Variants in LMO1 observed in about 807,000 individuals in gnomAD.
LMO1 encodes rhombotin-1.
Under a neutral mutation model 18.0 loss-of-function variants are expected in LMO1, and 10 were observed. The observed-to-expected ratio is 0.55, with a 90% confidence interval of 0.34 to 0.94. The LOEUF (loss-of-function observed/expected upper bound fraction) is 0.94, where lower values mean the gene tolerates loss of function less well. LMO1 is among the 40% of genes least tolerant of loss of function. The pLI, the probability that LMO1 is intolerant of heterozygous loss-of-function variation, is 0.02. For synonymous variants in LMO1, 77 were observed against 77.9 expected, an observed-to-expected ratio of 0.99 and a Z score of 0.06; for missense variants, 183 against 205.7, an observed-to-expected ratio of 0.89 and a Z score of 0.68.
At chr11:8,257,298 T>C (rs1428312638) in intron 1 of LMO1, among the ~76,000 whole-genome samples, 2 of 152,166 alleles carry the variant, frequency 1.3e-5, no homozygotes, top group Non-Finnish European at 2.9e-5. Flanking sequence ...CATGTCTCAG[T>C]GTCCTCCAAC....
At chr11:8,227,158 G>A in intron 2 of LMO1, 58 bp from the exon 3 acceptor site, 1 of 1,576,640 alleles carries the variant, frequency 6.3e-7, no homozygotes, top group Admixed American at 1.7e-5. Context: ...GGTGGGCAGG[G>A]GGAAAGGAGT....
At chr11:8,233,842 G>A (rs899865597) in intron 1 of LMO1, among the ~76,000 whole-genome samples, 1 of 152,148 alleles carries the variant, frequency 6.6e-6, no homozygotes, top group East Asian at 1.9e-4. Context: ...AGTCCATTTG[G>A]GATCCATTTT....
At chr11:8,259,214 G>A (rs1847146723) in intron 1 of LMO1, among the ~76,000 whole-genome samples, 2 of 152,206 alleles carry the variant, frequency 1.3e-5, no homozygotes, top group Non-Finnish European at 2.9e-5. Context: ...ACCAATTTAT[G>A]TTGTTTCCCT....
At chr11:8,260,085 G>GCCCCAGCATCCCCAGCTGGATA (rs1478493521) in intron 1 of LMO1, among the ~76,000 whole-genome samples, 1 of 152,080 alleles carries the variant, frequency 6.6e-6, no homozygotes, top group Non-Finnish European at 1.5e-5. Flanking sequence ...CCAGCTGGAT[G>GCCCCAGCATCCCCAGCTGGATA]CCCCAGCCTC....
chr11:8,268,360 A>G, upstream of LMO1: 1 of 1,383,712 alleles, frequency 7.2e-7, no homozygotes, highest in Non-Finnish European at 9.6e-7. Context: ...CCGCAGGGCC[A>G]GCGCCGCAGT....
rs746016617 is a variant in LMO1 at position 8,230,503 on chromosome 11, G to A, written c.27C>T (p.Gly9=). ...TGGGCTGGACGGAGAGCATCGGCAC[G>A]CCTGCAGACGGACAGACAGACAGCA... is the stretch of plus-strand genomic sequence containing the variant. MMVLDKED[G]VPMLSVQPKG... The change falls in exon 2 of 4, where the codon GGC becomes GGT. Residue 9 remains glycine (G), a splice_region_variant and synonymous_variant. Coordinates refer to ENST00000335790, the MANE Select transcript of LMO1 (RefSeq NM_002315.3). 35 of 1,610,746 alleles carry A rather than the reference G, an allele frequency of 2.2e-5. No homozygotes were observed. In the East Asian group the frequency reaches 3.6e-4, roughly 16 times the overall value.
At chr11:8,256,445 C>T (rs1365758425) in intron 1 of LMO1, among the ~76,000 whole-genome samples, 1 of 152,160 alleles carries the variant, frequency 6.6e-6, no homozygotes, top group African/African-American at 2.4e-5. Flanking sequence ...TCAAGAAAGC[C>T]CAGTTGACCT....
intron 1 of LMO1, among the ~76,000 whole-genome samples, chr11:8,235,708 C>A (rs895443174): frequency 5.9e-5 from 9 of 152,210 alleles, no homozygotes; most frequent in African/African-American, 1.9e-4. Flanking sequence ...GAATATCTCT[C>A]AATGTGGGTT....
intron 1 of LMO1, among the ~76,000 whole-genome samples, chr11:8,241,221 C>T (rs188625281): frequency 7.9e-5 from 12 of 152,270 alleles, no homozygotes; most frequent in East Asian, 3.9e-4. Flanking sequence ...AACTAAGTGT[C>T]GTCTTCAGAC....
intron 1 of LMO1, among the ~76,000 whole-genome samples, chr11:8,237,017 C>A (rs79670785): frequency 6.6e-6 from 1 of 152,182 alleles, no homozygotes; most frequent in Admixed American, 6.5e-5. Flanking sequence ...TCAACAAAAC[C>A]CGCAAGTAAG....
At chr11:8,264,768 A>G (rs1221560040), upstream of LMO1, among the ~76,000 whole-genome samples, 1 of 152,078 alleles carries the variant, frequency 6.6e-6, no homozygotes, top group Non-Finnish European at 1.5e-5. Flanking sequence ...AGTAGCTGGG[A>G]TTACAGGCAC....
chr11:8,256,635 C>T (rs1847102555), intron 1 of LMO1, among the ~76,000 whole-genome samples: 2 of 152,232 alleles, frequency 1.3e-5, no homozygotes. Flanking sequence ...AAAACGAACA[C>T]ACTCCCACCA....
At chr11:8,252,223 T>C (rs2134571686) in intron 1 of LMO1, among the ~76,000 whole-genome samples, 1 of 152,276 alleles carries the variant, frequency 6.6e-6, no homozygotes, top group Non-Finnish European at 1.5e-5. Context: ...CACAACCTAG[T>C]CCTCTGCAAA....
At chr11:8,252,806 C>A (rs1306238028) in intron 1 of LMO1, among the ~76,000 whole-genome samples, 1 of 152,264 alleles carries the variant, frequency 6.6e-6, no homozygotes, top group African/African-American at 2.4e-5. Flanking sequence ...TGATCACAGT[C>A]TGAGAGAAAT....
At chr11:8,246,959 C>T (rs1846905642) in intron 1 of LMO1, among the ~76,000 whole-genome samples, 1 of 152,166 alleles carries the variant, frequency 6.6e-6, no homozygotes, top group Admixed American at 6.5e-5. Flanking sequence ...TCCCCAGACC[C>T]CCACATCCAG....
chr11:8,260,633 T>C (rs1847170256), intron 1 of LMO1, among the ~76,000 whole-genome samples: 1 of 152,168 alleles, frequency 6.6e-6, no homozygotes, highest in African/African-American at 2.4e-5. Context: ...TTAAACCCGT[T>C]GCTACGGCAA....
upstream of LMO1, among the ~76,000 whole-genome samples, chr11:8,264,822 G>T (rs1457761559): frequency 6.6e-6 from 1 of 152,042 alleles, no homozygotes; most frequent in Non-Finnish European, 1.5e-5. Context: ...TAGTAGAGAC[G>T]GGGTTTTACC....
chr11:8,266,749 G>A (rs1371454647), upstream of LMO1, among the ~76,000 whole-genome samples: 1 of 152,180 alleles, frequency 6.6e-6, no homozygotes, highest in East Asian at 1.9e-4. Context: ...GAGGGCCCAG[G>A]CCGACTAGAT....
chr11:8,266,673 A>G (rs1847264525), upstream of LMO1, among the ~76,000 whole-genome samples: 2 of 152,246 alleles, frequency 1.3e-5, no homozygotes, highest in Admixed American at 6.5e-5. Flanking sequence ...TCCACCTGGC[A>G]GGAAAGTCCC....
Sources: allele counts gnomAD v4.1 joint callset (sites outside exome capture counted in the v4.1 genomes callset), GRCh38; gene constraint gnomAD v4.1.1; transcripts MANE v1.5; gene names NCBI Gene and HGNC (gene_info 2026-07-23, HGNC 2026-07-21).